The following DGKI variants were observed in gnomAD, a reference collection of about 807,000 sequenced individuals.
DGKI encodes the protein diacylglycerol kinase iota, also known as DAG kinase iota.
A neutral mutation model predicts 147.5 loss-of-function variants in DGKI; 55 were observed. The observed-to-expected ratio is 0.37, with a 90% CI of 0.30 to 0.47. The LOEUF is 0.47. Ranked by LOEUF, DGKI falls within the 20% of genes least tolerant of loss-of-function variation. DGKI has a pLI of 1.00. For synonymous variants in DGKI, 469 were observed against 477.1 expected (o/e 0.98, Z 0.22); for missense variants, 1,007 against 1,323.8 (o/e 0.76, Z 3.71).
intron 1 of DGKI, among the ~76,000 whole-genome samples, chr7:137,716,569 G>A (rs967845961): frequency 2.6e-5 from 4 of 152,144 alleles, no homozygotes; most frequent in African/African-American, 4.8e-5. Context: ...TTCTCTCAAC[G>A]ATCTTTAAAA....
intron 1 of DGKI, among the ~76,000 whole-genome samples, chr7:137,827,649 C>T (rs1231513592): frequency 6.6e-6 from 1 of 152,206 alleles, no homozygotes; most frequent in African/African-American, 2.4e-5. Context: ...GTGCATCATG[C>T]TATGCCCGCT....
chr7:137,788,128 C>G (rs1796728564), intron 1 of DGKI, among the ~76,000 whole-genome samples: 1 of 152,080 alleles, frequency 6.6e-6, no homozygotes, highest in African/African-American at 2.4e-5. Flanking sequence ...AAAAGTGAGA[C>G]AGCATATTAG....
At chr7:137,435,377 A>C (rs923421712) in intron 28 of DGKI, among the ~76,000 whole-genome samples, 1 of 152,192 alleles carries the variant, frequency 6.6e-6, no homozygotes, top group African/African-American at 2.4e-5. Context: ...AGGTGGTTCC[A>C]AGACACGGAA....
chr7:137,408,296 G>A (rs752400120), intron 29 of DGKI, among the ~76,000 whole-genome samples: 5 of 152,136 alleles, frequency 3.3e-5, no homozygotes, highest in Non-Finnish European at 5.9e-5. Context: ...TCTCTCTCTC[G>A]AAGGAGTAGT....
chr7:137,709,060 G>A (rs543162010), intron 1 of DGKI, among the ~76,000 whole-genome samples: 17 of 152,278 alleles, frequency 1.1e-4, no homozygotes, highest in Non-Finnish European at 2.4e-4. Flanking sequence ...AGGTCACTTC[G>A]CTGCTCCAAC....
chr7:137,698,658 G>A (rs1294810123), intron 1 of DGKI, among the ~76,000 whole-genome samples: 1 of 152,196 alleles, frequency 6.6e-6, no homozygotes, highest in Non-Finnish European at 1.5e-5. Context: ...GTTCTGAGAA[G>A]CCCTGTGGGC....
In DGKI at chr7:137,456,503, T is replaced by C. The variant is rs143045759; in HGVS notation, c.2735+6986A>G. The stretch of plus-strand genomic sequence containing the variant: ...CTTGTTGGATGCCTACCATTTTAGG[T>C]ATGGTGCAAAGTGCTATGGAGACAG... On this transcript the variant is annotated intron_variant, in intron 27 of 32. Transcript: ENST00000614521. 3.9e-5 allele frequency among the ~76,000 whole-genome samples: 6 copies of C among 152,252 alleles called. No individual in the cohort carries two copies. In the East Asian group the frequency reaches 9.6e-4, roughly 24 times the overall value.
At chr7:137,836,990 G>C (rs1472684440) in intron 1 of DGKI, among the ~76,000 whole-genome samples, 1 of 152,176 alleles carries the variant, frequency 6.6e-6, no homozygotes, top group African/African-American at 2.4e-5. Flanking sequence ...TGCACACAGA[G>C]AGGGTAATGG....
At chr7:137,621,448 A>G (rs1050027887) in intron 7 of DGKI, among the ~76,000 whole-genome samples, 1 of 152,134 alleles carries the variant, frequency 6.6e-6, no homozygotes, top group African/African-American at 2.4e-5. Flanking sequence ...TCAAAACCCC[A>G]ACCCTGGAAA....
At chr7:137,722,564 T>A (rs1298406299) in intron 1 of DGKI, 1 of 1,589,994 alleles carries the variant, frequency 6.3e-7, no homozygotes, top group Non-Finnish European at 8.6e-7. Flanking sequence ...CACCAGAAAT[T>A]TGTCATTGCC....
chr7:137,837,997 C>CTT lies in DGKI; in HGVS notation c.401+8463_401+8464dup, dbSNP rs777963342. Among the ~76,000 whole-genome samples the CTT allele has an allele frequency of 6.6e-3, 721 of 109,766 alleles. 18 individuals carry two copies. The highest frequency in any genetic ancestry group is 0.02 in the African/African-American group (544 of 27,162). 72.0% of individuals were successfully genotyped at this position (109,766 alleles called of 152,430 possible). A position where few individuals can be genotyped will look rare whatever the true frequency, so the allele number is the denominator to read the frequency against. On this transcript the variant is annotated intron_variant, in intron 1 of 32. Coordinates refer to ENST00000614521, the MANE Select transcript of DGKI (RefSeq NM_001321708.2). Reference sequence around the variant, plus strand: ...AGGGGGCCAATTTAAAAGGGAGAAACTTTTTTTTTTTTTTTTTTTTTTTTT... The same window carrying CTT: ...AGGGGGCCAATTTAAAAGGGAGAAACTTTTTTTTTTTTTTTTTTTTTTTTTTT...
chr7:137,799,073 C>T (rs73446721), intron 1 of DGKI, among the ~76,000 whole-genome samples: 2,955 of 152,180 alleles, frequency 0.019, 104 homozygotes, highest in African/African-American at 0.067. Flanking sequence ...TAGTAAAAGA[C>T]TGAATGTTTT....
chr7:137,846,370 T>G lies in DGKI; in HGVS notation c.401+92A>C, dbSNP rs183892716. 1.8e-3 allele frequency: 1,457 copies of G among 809,500 alleles called. 12 individuals are homozygous for G. In the African/African-American group the frequency reaches 0.025, roughly 14 times the overall value. The allele number at this position is 809,500 out of a possible 1,614,324, so 50.1% of individuals were successfully genotyped here. Reference sequence around the variant, plus strand: ...AAGGAGAGGCGTGGAAACAGAGAGGTGCCCAACTCCGCGGAAGCGCCCCTT... The same window carrying G: ...AAGGAGAGGCGTGGAAACAGAGAGGGGCCCAACTCCGCGGAAGCGCCCCTT... On this transcript the variant is annotated intron_variant, in intron 1 of 32. Transcript: ENST00000614521. The surrounding 1 kb of genome is among the most constrained non-coding windows in gnomAD (Gnocchi z 4.0).
intron 1 of DGKI, among the ~76,000 whole-genome samples, chr7:137,840,081 C>A (rs577070554): frequency 1.5e-4 from 23 of 152,260 alleles, no homozygotes; most frequent in East Asian, 7.7e-4. Context: ...CTAAAGTAAC[C>A]CAAGCAGTGC....
intron 1 of DGKI, among the ~76,000 whole-genome samples, chr7:137,802,472 A>G (rs1393340118): frequency 1.3e-5 from 2 of 152,194 alleles, no homozygotes; most frequent in African/African-American, 2.4e-5. Flanking sequence ...TTTCTTTGTT[A>G]CAGCTGTTTT....
intron 6 of DGKI, among the ~76,000 whole-genome samples, chr7:137,641,533 T>C (rs1379956024): frequency 1.3e-5 from 2 of 152,258 alleles, no homozygotes; most frequent in African/African-American, 2.4e-5. Flanking sequence ...TAAAATATTG[T>C]ATAAAATTAC....
intron 12 of DGKI, 100 bp from the exon 13 acceptor site, chr7:137,587,310 G>A (rs1234448668): frequency 1.2e-6 from 1 of 837,974 alleles, no homozygotes; most frequent in Admixed American, 3.6e-5. Context: ...AAACAGAATG[G>A]TTTTATTTTT....
chr7:137,419,905 T>C (rs1348416421), intron 28 of DGKI, among the ~76,000 whole-genome samples: 1 of 152,232 alleles, frequency 6.6e-6, no homozygotes, highest in Non-Finnish European at 1.5e-5. Context: ...TGCAACTCTG[T>C]ATCAACTATC....
intron 3 of DGKI, among the ~76,000 whole-genome samples, chr7:137,672,764 G>A (rs1346228150): frequency 9.4e-6 from 1 of 106,704 alleles, no homozygotes; most frequent in Non-Finnish European, 1.8e-5. Flanking sequence ...GTCTCTGTGT[G>A]TCTTTTTTTT....
Sources: allele counts gnomAD v4.1 joint callset (sites outside exome capture counted in the v4.1 genomes callset), GRCh38; gene constraint gnomAD v4.1.1; non-coding constraint Gnocchi (gnomAD v3.1); transcripts MANE v1.5; gene names NCBI Gene and HGNC (gene_info 2026-07-23, HGNC 2026-07-21).